TES: variants seen among roughly 807,000 people sequenced by gnomAD.
TES encodes testin LIM domain protein.
Under a neutral mutation model 48.2 loss-of-function variants are expected in TES, and 41 were observed. The observed-to-expected ratio is 0.85, with a 90% CI of 0.66 to 1.10. The LOEUF (loss-of-function observed/expected upper bound fraction) is 1.10, where lower values mean the gene tolerates loss of function less well. TES is among the 50% of genes least tolerant of loss of function. TES has a pLI of 0.00. For missense variants in TES, 463 were observed against 515.1 expected (o/e 0.90, Z 0.98); for synonymous variants, 162 against 174.9 (o/e 0.93, Z 0.58).
chr7:116,224,198 G>A (rs908252219), intron 1 of TES, among the ~76,000 whole-genome samples: 1 of 152,124 alleles, frequency 6.6e-6, no homozygotes, highest in African/African-American at 2.4e-5. Flanking sequence ...AGCTGACCCC[G>A]ATTGCAAACT....
chr7:116,240,433 C>T (rs781167862), intron 2 of TES, among the ~76,000 whole-genome samples: 10 of 151,896 alleles, frequency 6.6e-5, no homozygotes, highest in Middle Eastern at 3.2e-3. Context: ...TTCTTGCATT[C>T]GCTCTCCCAG....
intron 1 of TES, among the ~76,000 whole-genome samples, chr7:116,231,364 AAAAGTATTTGAAGAT>A: frequency 6.6e-6 from 1 of 152,246 alleles, no homozygotes; most frequent in Non-Finnish European, 1.5e-5. Context: ...CAAACTCTGT[AAAAGTATTTGAAGAT>A]CTTATTCTGA....
chr7:116,229,016 A>G lies in TES; in HGVS notation c.28-5518A>G, dbSNP rs1011516998. On this transcript the variant is annotated intron_variant, in intron 1 of 6. Transcript: ENST00000358204. ...TCTATAACTATATATATATATATAT[A>G]TATATATATATATATATAATCATTT... Among the ~76,000 whole-genome samples, 56 of 134,366 alleles carry G rather than the reference A, an allele frequency of 4.2e-4. 2 individuals carry two copies. Among genetic ancestry groups the G allele is most frequent in the African/African-American group, 1.5e-3 (52 of 35,282 alleles). 88.1% of individuals were successfully genotyped at this position (134,366 alleles called of 152,430 possible).
intron 6 of TES, 121 bp downstream of exon 6, chr7:116,252,597 A>C: frequency 2.2e-6 from 3 of 1,360,170 alleles, no homozygotes; most frequent in Non-Finnish European, 3.1e-6. Context: ...AAAGCAAATT[A>C]TTCCTACCAC....
intron 2 of TES, among the ~76,000 whole-genome samples, chr7:116,237,255 C>T (rs140952116): frequency 8.7e-4 from 133 of 152,216 alleles, no homozygotes; most frequent in African/African-American, 3.1e-3. Context: ...AGGGCTCCAT[C>T]GGGCACATTT....
At chr7:116,218,150 T>A (rs1307920804) in intron 1 of TES, among the ~76,000 whole-genome samples, 1 of 152,266 alleles carries the variant, frequency 6.6e-6, no homozygotes, top group East Asian at 1.9e-4. Context: ...GTTACTACTC[T>A]GTAAATATAC....
chr7:116,254,754 ATATATGTGTGTGTGTGTG>A (rs1800071366), intron 6 of TES, among the ~76,000 whole-genome samples: 2 of 119,248 alleles, frequency 1.7e-5, no homozygotes, highest in African/African-American at 3.4e-5. Flanking sequence ...AAAAATATAT[ATATATGTGTGTGTGTGTG>A]TGTGTGTGTG....
intron 1 of TES, among the ~76,000 whole-genome samples, chr7:116,219,993 A>G (rs897553788): frequency 1.3e-5 from 2 of 152,074 alleles, no homozygotes; most frequent in South Asian, 2.1e-4. Flanking sequence ...GCCTCTCCAA[A>G]TTCATTCCAG....
At chr7:116,250,075 T>TCTTTCTTGGATAGAAG in intron 3 of TES, 86 bp from the exon 4 acceptor site, 1 of 1,198,436 alleles carries the variant, frequency 8.3e-7, no homozygotes, top group Non-Finnish European at 1.1e-6. Flanking sequence ...ACTTCTTTCT[T>TCTTTCTTGGATAGAAG]AAGTAACTTG....
At chr7:116,228,498 G>A (rs1363769194) in intron 1 of TES, among the ~76,000 whole-genome samples, 3 of 152,140 alleles carry the variant, frequency 2.0e-5, no homozygotes, top group African/African-American at 7.2e-5. Context: ...AAAAACATGT[G>A]TTTTTAGGCA....
At chr7:116,231,687 G>A (rs1265232788) in intron 1 of TES, among the ~76,000 whole-genome samples, 1 of 152,182 alleles carries the variant, frequency 6.6e-6, no homozygotes, top group Non-Finnish European at 1.5e-5. Context: ...GGCTTGTAAG[G>A]ACCAAGGTTT....
Position 116,252,476 on chromosome 7 carries a change from G to C in TES, c.1077G>C (p.Val359=), listed in dbSNP as rs1354846647. The change falls in exon 6 of 7, where the codon GTG becomes GTC. Residue 359 remains valine, a splice_region_variant and synonymous_variant. Transcript: ENST00000358204. Reference sequence around the variant, plus strand: ...CCTGCTATGTGAAGAATCACGCTGTGGTGAGAAGTGTTCTAAGGATATGGT... The same window carrying C: ...CCTGCTATGTGAAGAATCACGCTGTCGTGAGAAGTGTTCTAAGGATATGGT... ...CKPCYVKNHA[V]VCQGCHNAID... is the part of the protein sequence containing the mutation. 1.2e-5 allele frequency: 20 copies of C among 1,614,148 alleles called. No homozygotes were observed. Among genetic ancestry groups the C allele is most frequent in the Non-Finnish European group, 1.6e-5 (19 of 1,180,016 alleles).
chr7:116,253,511 A>G (rs1480710548), intron 6 of TES, among the ~76,000 whole-genome samples: 2 of 152,116 alleles, frequency 1.3e-5, no homozygotes, highest in Admixed American at 6.5e-5. Context: ...ACCCACCATA[A>G]TGATGGAAAA....
chr7:116,237,106 T>A (rs915640921), intron 2 of TES, among the ~76,000 whole-genome samples: 6 of 152,192 alleles, frequency 3.9e-5, no homozygotes, highest in Admixed American at 3.9e-4. Flanking sequence ...TCTAGACTAG[T>A]TGTCCTGAGT....
At chr7:116,251,724 T>A (rs1261720836) in intron 4 of TES, 36 bp from the exon 5 acceptor site, 1 of 1,556,212 alleles carries the variant, frequency 6.4e-7, no homozygotes, top group South Asian at 1.1e-5. Flanking sequence ...GGCAGTCTTC[T>A]AATGACTAGG....
rs1799986554 is a variant in TES, at chr7:116,250,345, G to GCGAA, written c.552_555dup (p.Ala186ArgfsTer13). 10 of 1,613,872 alleles carry GCGAA rather than the reference G, an allele frequency of 6.2e-6. No homozygotes were observed. Among genetic ancestry groups the GCGAA allele is most frequent in the Non-Finnish European group, 8.5e-6 (10 of 1,179,858 alleles). ...GAGCAGTTTGTGAAGAAATATAAGA[G>GCGAA]CGAAGCTCTGGGAGTAGGAGATGTC... On this transcript the variant is annotated frameshift_variant, in exon 4 of 7. Transcript: ENST00000358204. LOFTEE classifies it high-confidence loss of function.
At chr7:116,250,810 A>G (rs1799996039) in intron 4 of TES, among the ~76,000 whole-genome samples, 1 of 152,208 alleles carries the variant, frequency 6.6e-6, no homozygotes, top group South Asian at 2.1e-4. Context: ...TTCTAATCAT[A>G]ATGTTGGTAT....
chr7:116,214,491 C>G (rs1799471978), intron 1 of TES, among the ~76,000 whole-genome samples: 1 of 152,134 alleles, frequency 6.6e-6, no homozygotes, highest in African/African-American at 2.4e-5. Flanking sequence ...CAAGGCACAT[C>G]CAGGGCTTTG....
rs562315449 is a variant in TES, at chr7:116,248,738, T to C, written c.114-282T>C. Among the ~76,000 whole-genome samples, 194 of 152,268 alleles carry C rather than the reference T, an allele frequency of 1.3e-3. 4 individuals are homozygous for C. The South Asian group carries it at 0.029, about 23-fold the overall frequency. On this transcript the variant is annotated intron_variant, in intron 2 of 6. Coordinates refer to ENST00000358204, the MANE Select transcript of TES (RefSeq NM_015641.4). ...TTCCATTCTATAGGTTGTCTGTTTGTCCTGTTGCCAGTTTCTTTTGCTTTG... is the reference window on the plus strand; with the variant it reads ...TTCCATTCTATAGGTTGTCTGTTTGCCCTGTTGCCAGTTTCTTTTGCTTTG...
Sources: allele counts gnomAD v4.1 joint callset (sites outside exome capture counted in the v4.1 genomes callset), GRCh38; gene constraint gnomAD v4.1.1; transcripts MANE v1.5; gene names NCBI Gene and HGNC (gene_info 2026-07-23, HGNC 2026-07-21).